SCAF8: variants seen among roughly 807,000 people sequenced by gnomAD.
The protein encoded by SCAF8 is SR-related CTD associated factor 8.
In SCAF8, 23 loss-of-function variants were observed where a neutral mutation model predicts 140.5. That is an observed-to-expected ratio of 0.16 (90% CI 0.12 to 0.23). SCAF8 has a LOEUF of 0.23. SCAF8 is among the 10% of genes least tolerant of loss of function. SCAF8 has a pLI of 1.00. For missense variants in SCAF8, 1,397 were observed against 1,555.7 expected, an observed-to-expected ratio of 0.90 and a Z score of 1.72; for synonymous variants, 575 against 528.9, an observed-to-expected ratio of 1.09 and a Z score of -1.20.
chr6:154,747,136 G>A (rs1458456170), intron 1 of SCAF8, among the ~76,000 whole-genome samples: 3 of 152,150 alleles, frequency 2.0e-5, no homozygotes, highest in Non-Finnish European at 2.9e-5. Context: ...AGTCCAGGGG[G>A]CAGCAAACTT....
intron 1 of SCAF8, among the ~76,000 whole-genome samples, chr6:154,740,273 C>A (rs1031605962): frequency 2.0e-5 from 3 of 152,120 alleles, no homozygotes. Context: ...CCTATGCATT[C>A]CAGGATGTTT....
At chr6:154,745,859 G>C (rs1778685852) in intron 1 of SCAF8, among the ~76,000 whole-genome samples, 1 of 151,882 alleles carries the variant, frequency 6.6e-6, no homozygotes, top group Non-Finnish European at 1.5e-5. Context: ...ATGCATATTA[G>C]TATGAACTCG....
intron 15 of SCAF8, among the ~76,000 whole-genome samples, chr6:154,820,612 GATTTTTGA>G (rs1778391624): frequency 6.6e-6 from 1 of 152,098 alleles, no homozygotes; most frequent in Non-Finnish European, 1.5e-5. Flanking sequence ...GTGTGGGAGG[GATTTTTGA>G]AACTAAATAT....
chr6:154,799,849 A>G (rs1253692749), intron 6 of SCAF8, among the ~76,000 whole-genome samples: 1 of 150,976 alleles, frequency 6.6e-6, no homozygotes, highest in African/African-American at 2.4e-5. Context: ...AATTGGCGCA[A>G]TCTCGGCTCA....
In SCAF8 at chr6:154,832,409, C is replaced by T; in HGVS notation, c.2830C>T (p.Pro944Ser). 6.2e-7 allele frequency: 1 copy of T among 1,614,142 alleles called. No individual in the cohort carries two copies. The highest frequency in any genetic ancestry group is 8.5e-7 in the Non-Finnish European group (1 of 1,180,014). The change falls in exon 20 of 20, where the codon CCT becomes TCT. Residue 944 changes from proline (P) to serine (S), a missense_variant. Physicochemically the swap from Pro to Ser is moderately conservative, Grantham distance 74. Coordinates refer to ENST00000367178, the MANE Select transcript of SCAF8 (RefSeq NM_014892.5). ...TGGGCCAAGATTCCCTTTAATACAG[C>T]CTGGAATTCCACCCCAACGGGGAAT... Reference protein sequence around the residue: ...APGPRFPLIQPGIPPQRGIPP... With the variant: ...APGPRFPLIQSGIPPQRGIPP...
chr6:154,801,434 TCTCA>T (rs1324018484), intron 6 of SCAF8, among the ~76,000 whole-genome samples: 3 of 151,482 alleles, frequency 2.0e-5, no homozygotes, highest in African/African-American at 4.8e-5. Context: ...CTCTTAAAGA[TCTCA>T]CTGTTGTGTC....
At position 154,831,230 on chromosome 6, in the gene SCAF8, A is replaced by G. The variant is rs75843565; in HGVS notation, c.2359+90A>G. The G allele has an allele frequency of 2.3e-3, 1,664 of 722,238 alleles. 3 individuals carry two copies. The highest frequency in any genetic ancestry group is 9.3e-3 in the East Asian group (338 of 36,270). The allele number at this position is 722,238 out of a possible 1,614,324, so 44.7% of individuals were successfully genotyped here. ...GGTGGCATGCGTTTGTAACCACTTC[A>G]ATCTACAGATGCTGAAATGTCGCAC... On this transcript the variant is annotated intron_variant, in intron 19 of 19. Coordinates refer to ENST00000367178, the MANE Select transcript of SCAF8 (RefSeq NM_014892.5).
At chr6:154,811,395 G>A (rs1014367606) in intron 12 of SCAF8, among the ~76,000 whole-genome samples, 2 of 143,314 alleles carry the variant, frequency 1.4e-5, no homozygotes, top group Non-Finnish European at 3.1e-5. Context: ...TGTTTACACA[G>A]TTTTTTTTTT....
In SCAF8 at chr6:154,824,245, G is replaced by A. The variant is rs750285555; in HGVS notation, c.1938G>A (p.Ala646=). ...PPVAMLQIPV[A]PAVPTVSLVP... Reference sequence around the variant, plus strand: ...TCTATCCACAAAAGATTCCAGTGGCGCCAGCCGTGCCTACAGTTAGTTTAG... The same window carrying A: ...TCTATCCACAAAAGATTCCAGTGGCACCAGCCGTGCCTACAGTTAGTTTAG... The change falls in exon 17 of 20, where the codon GCG becomes GCA. Residue 646 remains alanine, a synonymous_variant. Coordinates refer to ENST00000367178, the MANE Select transcript of SCAF8 (RefSeq NM_014892.5). The A allele has an allele frequency of 8.1e-6, 13 of 1,613,658 alleles. No homozygotes were observed. Among genetic ancestry groups the A allele is most frequent in the East Asian group, 2.2e-5 (1 of 44,864 alleles).
chr6:154,747,858 A>G (rs1229479223), intron 1 of SCAF8, among the ~76,000 whole-genome samples: 1 of 151,724 alleles, frequency 6.6e-6, no homozygotes, highest in Admixed American at 6.6e-5. Context: ...TGAAAAACCA[A>G]AACAAGCCTC....
At chr6:154,741,249 C>T (rs555259331) in intron 1 of SCAF8, among the ~76,000 whole-genome samples, 3 of 152,146 alleles carry the variant, frequency 2.0e-5, no homozygotes, top group African/African-American at 7.2e-5. Context: ...AATCACACAT[C>T]ATTAAATATA....
rs200077031 is a variant in SCAF8, at chr6:154,801,808, A to G, written c.607-163A>G. Reference sequence around the variant, plus strand: ...ACAAACTTATTAAGGACTGTGTTATATAAGGTACACAGAAAAACTTCAAAA... The same window carrying G: ...ACAAACTTATTAAGGACTGTGTTATGTAAGGTACACAGAAAAACTTCAAAA... On this transcript the variant is annotated intron_variant, in intron 6 of 19. Transcript: ENST00000367178. Among the ~76,000 whole-genome samples, 5 of 151,692 alleles carry G rather than the reference A, an allele frequency of 3.3e-5. No homozygotes were observed. The East Asian group carries it at 9.6e-4, about 29-fold the overall frequency.
intron 1 of SCAF8, among the ~76,000 whole-genome samples, chr6:154,771,665 C>T (rs768076776): frequency 6.6e-6 from 1 of 152,090 alleles, no homozygotes; most frequent in Admixed American, 6.6e-5. Flanking sequence ...TGCATGTTCT[C>T]ACAAGTGAGA....
intron 1 of SCAF8, among the ~76,000 whole-genome samples, chr6:154,756,791 C>T (rs34176536): frequency 1.3e-5 from 2 of 152,092 alleles, no homozygotes; most frequent in Non-Finnish European, 2.9e-5. Flanking sequence ...CTTTGGGAAG[C>T]GGAGGAGGGC....
At chr6:154,782,656 T>C (rs1777119167) in intron 3 of SCAF8, among the ~76,000 whole-genome samples, 1 of 152,046 alleles carries the variant, frequency 6.6e-6, no homozygotes, top group Admixed American at 6.6e-5. Context: ...ACTTACACGA[T>C]CACAAGGTCC....
At chr6:154,815,988 C>T (rs1264500894) in intron 13 of SCAF8, among the ~76,000 whole-genome samples, 172 bp downstream of exon 13, 1 of 152,128 alleles carries the variant, frequency 6.6e-6, no homozygotes, top group Non-Finnish European at 1.5e-5. Context: ...CTGTTTCTCT[C>T]CTTAATTATT....
chr6:154,755,497 C>T (rs747262198), intron 1 of SCAF8, among the ~76,000 whole-genome samples: 12 of 152,074 alleles, frequency 7.9e-5, no homozygotes, highest in East Asian at 1.9e-4. Flanking sequence ...GTGACCCTCC[C>T]GCCTCGGCCT....
In SCAF8 at chr6:154,799,069, G is replaced by A. The variant is rs773546854; in HGVS notation, c.607-2902G>A. On this transcript the variant is annotated intron_variant, in intron 6 of 19. Transcript: ENST00000367178. ...GCTGTCTCGGCTCACTGCACCCTCC[G>A]CCTCCCGGAGTGATTCTCCTGCCTC... Among the ~76,000 whole-genome samples the A allele has an allele frequency of 1.4e-4, 21 of 150,672 alleles. 1 individual carries two copies. The highest frequency in any genetic ancestry group is 2.5e-4 in the Non-Finnish European group (17 of 67,474).
rs112881251 is a variant in SCAF8, at chr6:154,747,702, T to C, written c.30+13772T>C. On this transcript the variant is annotated intron_variant, in intron 1 of 19. Transcript: ENST00000367178. ...AACAGTATAGCTCATAAAGGCCTTATAGTGCTTATTTTAACATCAAAAACA... is the reference window on the plus strand; with the variant it reads ...AACAGTATAGCTCATAAAGGCCTTACAGTGCTTATTTTAACATCAAAAACA... Among the ~76,000 whole-genome samples, 382 of 152,232 alleles carry C rather than the reference T, an allele frequency of 2.5e-3. 1 individual carries two copies. The highest frequency in any genetic ancestry group is 4.3e-3 in the Non-Finnish European group (295 of 67,998).
Sources: gnomAD v4.1 joint callset for allele counts (sites outside exome capture counted in the v4.1 genomes callset) on GRCh38, gnomAD v4.1.1 for gene constraint, MANE v1.5 for transcripts, NCBI Gene and HGNC (gene_info 2026-07-23, HGNC 2026-07-21) for gene names.